Variants in MCMDC2 observed in about 807,000 individuals in gnomAD.
The protein encoded by MCMDC2 is minichromosome maintenance domain containing 2.
MCMDC2 carries 54 observed loss-of-function variants against 75.8 expected under a neutral mutation model. That is an observed-to-expected ratio of 0.71 (90% CI 0.57 to 0.89). The LOEUF is 0.89. Among genes scored for constraint, MCMDC2 ranks in the 40% least tolerant of loss-of-function variants. The pLI is 0.00. For synonymous variants in MCMDC2, 249 were observed against 274.6 expected (o/e 0.91, Z 0.92); for missense variants, 656 against 780.4 (o/e 0.84, Z 1.90).
chr8:66,902,890 T>A (rs1812764024), intron 13 of MCMDC2, among the ~76,000 whole-genome samples: 1 of 151,680 alleles, frequency 6.6e-6, no homozygotes, highest in Non-Finnish European at 1.5e-5. Flanking sequence ...GAGGCCAAGT[T>A]GGGTGGATCA....
At chr8:66,916,984 G>A (rs929036739) in intron 14 of MCMDC2, among the ~76,000 whole-genome samples, 3 of 152,136 alleles carry the variant, frequency 2.0e-5, no homozygotes, top group Non-Finnish European at 1.5e-5. Context: ...AAGAGCTGCT[G>A]GTTGACTATA....
intron 4 of MCMDC2, 101 bp downstream of exon 4, chr8:66,874,687 T>A: frequency 9.4e-7 from 1 of 1,061,636 alleles, no homozygotes; most frequent in Admixed American, 2.9e-5. Flanking sequence ...AAAAGGATAC[T>A]ACTTTTTTTC....
chr8:66,899,576 A>G (rs1585891188), intron 12 of MCMDC2, among the ~76,000 whole-genome samples: 1 of 151,786 alleles, frequency 6.6e-6, no homozygotes, highest in African/African-American at 2.4e-5. Flanking sequence ...GCTCATTGCA[A>G]CCTCCGCCTG....
At chr8:66,907,719 G>A (rs1312749471) in intron 14 of MCMDC2, among the ~76,000 whole-genome samples, 5 of 152,000 alleles carry the variant, frequency 3.3e-5, no homozygotes, top group South Asian at 4.2e-4. Context: ...GTTTCTCCAC[G>A]GCCTCACCAG....
At chr8:66,925,011 C>A (rs543145743), downstream of MCMDC2, among the ~76,000 whole-genome samples, 15 of 152,268 alleles carry the variant, frequency 9.9e-5, no homozygotes, top group South Asian at 3.1e-3. Flanking sequence ...AAAACGCTCC[C>A]TTTTAAGGAA....
intron 14 of MCMDC2, among the ~76,000 whole-genome samples, chr8:66,912,975 A>G (rs190573595): frequency 3.9e-5 from 6 of 152,236 alleles, no homozygotes; most frequent in South Asian, 4.1e-4. Flanking sequence ...AAAAAAACCA[A>G]CATCACATGC....
Position 66,920,855 on chromosome 8 carries a change from TAG to T in MCMDC2, c.*1690_*1691del, listed in dbSNP as rs1371691068. ...CCTGGGATAACTTCTGCATTTTTTG[TAG>T]AGATGGAATTTTGCCATGTTTCCCA... On this transcript the variant is annotated 3_prime_UTR_variant, in exon 15 of 15. Transcript: ENST00000422365. The T allele has an allele frequency of 6.6e-6, 1 of 152,096 alleles. No individual in the cohort carries two copies. The highest frequency in any genetic ancestry group is 1.5e-5 in the Non-Finnish European group (1 of 68,020). The allele number at this position is 152,096 out of a possible 1,614,324, so 9.4% of individuals were successfully genotyped here. A position where few individuals can be genotyped will look rare whatever the true frequency, so the allele number is the denominator to read the frequency against.
chr8:66,891,714 C>T (rs1812115421), intron 10 of MCMDC2, among the ~76,000 whole-genome samples: 1 of 152,182 alleles, frequency 6.6e-6, no homozygotes, highest in African/African-American at 2.4e-5. Context: ...GCTCACACTA[C>T]CAGTCCAGAT....
chr8:66,878,850 C>G lies in MCMDC2; in HGVS notation c.640C>G (p.Leu214Val). 1.2e-6 allele frequency: 2 copies of G among 1,609,510 alleles called. No homozygotes were observed. The highest frequency in any genetic ancestry group is 1.1e-5 in the South Asian group (1 of 90,300). Reference sequence around the variant, plus strand: ...AGTTGAAATAATTGCCACAAAGGCACTTCGTGCTTTTCAAGGATATTCTAA... The same window carrying G: ...AGTTGAAATAATTGCCACAAAGGCAGTTCGTGCTTTTCAAGGATATTCTAA... ...QIVEIIATKA[L>V]RAFQGYSNNQ... The change falls in exon 7 of 15, where the codon CTT (leucine) becomes GTT (valine). Residue 214 changes from leucine (L) to valine (V), a missense_variant. Coordinates refer to ENST00000422365, the MANE Select transcript of MCMDC2 (RefSeq NM_173518.5).
chr8:66,891,100 C>T, intron 10 of MCMDC2, 30 bp downstream of exon 10: 1 of 1,536,540 alleles, frequency 6.5e-7, no homozygotes, highest in South Asian at 1.2e-5. Context: ...TTAATTTTCA[C>T]CCGTTTAACC....
In MCMDC2 at chr8:66,896,960, G is replaced by A. The variant is rs1388236000; in HGVS notation, c.1626+1G>A. 6.3e-7 allele frequency: 1 copy of A among 1,591,334 alleles called. No individual in the cohort carries two copies. Among genetic ancestry groups the A allele is most frequent in the Admixed American group, 1.8e-5 (1 of 55,274 alleles). ...GTTCACAACTGAAGATTTTGAAAAG[G>A]TAAAGGTGGATAAAACGGTTACCCA... On this transcript the variant is annotated splice_donor_variant, in intron 12 of 14. Transcript: ENST00000422365. LOFTEE classifies it high-confidence loss of function.
intron 13 of MCMDC2, among the ~76,000 whole-genome samples, chr8:66,903,747 A>G (rs981237467): frequency 1.3e-5 from 2 of 152,180 alleles, no homozygotes; most frequent in South Asian, 2.1e-4. Context: ...TTGCTTTTCT[A>G]GAGAAGTGGA....
intron 7 of MCMDC2, among the ~76,000 whole-genome samples, chr8:66,880,188 G>T (rs965601131): frequency 2.6e-5 from 4 of 152,192 alleles, no homozygotes; most frequent in Non-Finnish European, 5.9e-5. Flanking sequence ...TTAGCCTTGT[G>T]CAAGCCATGT....
At chr8:66,896,754 G>T (rs1021523199) in intron 11 of MCMDC2, 26 bp from the exon 12 acceptor site, 2 of 1,533,078 alleles carry the variant, frequency 1.3e-6, no homozygotes, top group Admixed American at 2.1e-5. Context: ...TTTAATGTTT[G>T]CCTGTTACCT....
Position 66,915,548 on chromosome 8 carries a change from G to A in MCMDC2, c.1880-3455G>A, listed in dbSNP as rs182841233. On this transcript the variant is annotated intron_variant, in intron 14 of 14. Coordinates refer to ENST00000422365, the MANE Select transcript of MCMDC2 (RefSeq NM_173518.5). The stretch of plus-strand genomic sequence containing the variant: ...TATATTTACATATATTTATATATAT[G>A]TATATATGTATGATTTTTGTTCATT... 2.1e-4 allele frequency among the ~76,000 whole-genome samples: 30 copies of A among 145,908 alleles called. No homozygotes were observed. In the East Asian group the frequency reaches 5.5e-3, roughly 27 times the overall value.
chr8:66,897,100 C>A, intron 12 of MCMDC2, 141 bp downstream of exon 12: 2 of 793,818 alleles, frequency 2.5e-6, no homozygotes, highest in Non-Finnish European at 3.8e-6. Context: ...ATTTTAAGGA[C>A]ATTGCATAGA....
chr8:66,915,182 G>T (rs762251663), intron 14 of MCMDC2, among the ~76,000 whole-genome samples: 1 of 152,018 alleles, frequency 6.6e-6, no homozygotes, highest in Non-Finnish European at 1.5e-5. Context: ...AAAATAAATG[G>T]CCAGGAGCGG....
downstream of MCMDC2, among the ~76,000 whole-genome samples, chr8:66,923,386 G>A (rs1432606246): frequency 6.6e-6 from 1 of 152,078 alleles, no homozygotes; most frequent in Non-Finnish European, 1.5e-5. Context: ...GCAGCAATAC[G>A]AAATGATTTA....
chr8:66,926,360 A>T (rs1813712409), downstream of MCMDC2: 1 of 152,186 alleles, frequency 6.6e-6, no homozygotes, highest in African/African-American at 2.4e-5. Flanking sequence ...AAAGCATATG[A>T]TTAAACAATC....
Sources: gnomAD v4.1 joint callset for allele counts (sites outside exome capture counted in the v4.1 genomes callset) on GRCh38, gnomAD v4.1.1 for gene constraint, MANE v1.5 for transcripts, NCBI Gene and HGNC (gene_info 2026-07-23, HGNC 2026-07-21) for gene names.